PLCE1: variants seen among roughly 807,000 people sequenced by gnomAD.
PLCE1 encodes phospholipase C epsilon 1.
PLCE1 carries 119 observed loss-of-function variants against 242.8 expected under a neutral mutation model. The observed-to-expected ratio is 0.49, with a 90% CI of 0.42 to 0.57. The LOEUF (loss-of-function observed/expected upper bound fraction) is 0.57, where lower values mean the gene tolerates loss of function less well. Ranked by LOEUF, PLCE1 falls within the 20% of genes least tolerant of loss-of-function variation. The probability of loss-of-function intolerance (pLI) is 0.00; values close to 1 mark genes in which losing one functional copy is unlikely to be tolerated. For missense variants in PLCE1, 2,441 were observed against 2,788.8 expected, an observed-to-expected ratio of 0.88 and a Z score of 2.81; for synonymous variants, 945 against 1,017.4, an observed-to-expected ratio of 0.93 and a Z score of 1.35.
rs556243434 is a variant in PLCE1, at chr10:94,330,636, G to A, written c.*2693G>A. 2 of 150,976 alleles carry A rather than the reference G, an allele frequency of 1.3e-5. No homozygotes were observed. Among genetic ancestry groups the A allele is most frequent in the African/African-American group, 4.9e-5 (2 of 40,972 alleles). 9.4% of individuals were successfully genotyped at this position (150,976 alleles called of 1,614,324 possible). ...GAACTCAAGACGCAGAGGTTGCAGT[G>A]AGTGGAGACTGTGCCACTGCACTCC... On this transcript the variant is annotated 3_prime_UTR_variant, in exon 33 of 33. Transcript: ENST00000371380.
intron 2 of PLCE1, among the ~76,000 whole-genome samples, chr10:94,048,645 A>T (rs1589915804): frequency 6.8e-6 from 1 of 147,852 alleles, no homozygotes; most frequent in South Asian, 2.1e-4. Flanking sequence ...GGATTTATTA[A>T]ATATATATAT....
At chr10:94,012,514 T>G (rs976396452) in intron 1 of PLCE1, among the ~76,000 whole-genome samples, 1 of 151,908 alleles carries the variant, frequency 6.6e-6, no homozygotes, top group Admixed American at 6.6e-5. Context: ...CTGGAAAACA[T>G]CGGCCGTGTC....
intron 18 of PLCE1, among the ~76,000 whole-genome samples, chr10:94,271,306 CTTTTTTT>C (rs35048796): frequency 1.4e-5 from 1 of 73,316 alleles, no homozygotes; most frequent in African/African-American, 5.9e-5. Flanking sequence ...AGAAGATCAT[CTTTTTTT>C]TTTTTTTTTT....
At chr10:94,285,797 C>T (rs750374153) in intron 22 of PLCE1, among the ~76,000 whole-genome samples, 1 of 152,158 alleles carries the variant, frequency 6.6e-6, no homozygotes, top group Non-Finnish European at 1.5e-5. Flanking sequence ...CCACAAGGAC[C>T]AAGGATGGCG....
intron 2 of PLCE1, among the ~76,000 whole-genome samples, chr10:94,075,768 C>T (rs1419574988): frequency 6.6e-6 from 1 of 152,210 alleles, no homozygotes; most frequent in Non-Finnish European, 1.5e-5. Context: ...TGCAGCATGA[C>T]CTGGGTCACA....
At chr10:94,309,824 C>T (rs1421104389) in intron 27 of PLCE1, among the ~76,000 whole-genome samples, 1 of 152,056 alleles carries the variant, frequency 6.6e-6, no homozygotes, top group Non-Finnish European at 1.5e-5. Context: ...AGCTTGAGTC[C>T]AGGAGTTCAA....
rs2274223 is a variant in PLCE1 at position 94,306,584 on chromosome 10, A to G, written c.5780A>G (p.His1927Arg). The G allele has an allele frequency of 0.3, 484,110 of 1,613,668 alleles. 74,193 individuals carry two copies. Among genetic ancestry groups the G allele is most frequent in the Middle Eastern group, 0.44 (2,649 of 6,062 alleles). The change falls in exon 26 of 33, where the codon CAC becomes CGC. Residue 1927 changes from histidine (H) to arginine (R), a missense_variant. His to Arg is a conservative substitution (Grantham distance 29, BLOSUM62 0). Transcript: ENST00000371380. The surrounding 1 kb of genome is among the most constrained non-coding windows in gnomAD (Gnocchi z 5.7). Reference protein sequence around the residue: ...NPMWNEQFLFHVHFEDLVFLR... With the variant: ...NPMWNEQFLFRVHFEDLVFLR... ...ATGTGGAACGAGCAGTTTCTGTTCC[A>G]CGTTCACTTCGAAGATCTTGTATTT...
intron 4 of PLCE1, among the ~76,000 whole-genome samples, chr10:94,187,606 A>G (rs1365307301): frequency 6.6e-6 from 1 of 152,088 alleles, no homozygotes; most frequent in African/African-American, 2.4e-5. Context: ...AGCCTCCCCA[A>G]GCAGCTTGGC....
intron 4 of PLCE1, among the ~76,000 whole-genome samples, chr10:94,202,555 G>T (rs1432030882): frequency 6.6e-6 from 1 of 152,026 alleles, no homozygotes; most frequent in African/African-American, 2.4e-5. Flanking sequence ...CATTTGTCAG[G>T]GTTTCTTCTC....
chr10:94,104,354 T>C (rs1331393746), intron 2 of PLCE1: 1 of 152,200 alleles, frequency 6.6e-6, no homozygotes, highest in Non-Finnish European at 1.5e-5. Context: ...TGTGCATTAC[T>C]CGTGGTTAGT....
chr10:94,140,192 A>G (rs1464030690), intron 3 of PLCE1, among the ~76,000 whole-genome samples: 2 of 152,300 alleles, frequency 1.3e-5, no homozygotes, highest in Admixed American at 6.5e-5. Flanking sequence ...AGCTATAAAT[A>G]GAATATTGAT....
At chr10:94,191,123 A>G (rs1282924912) in intron 4 of PLCE1, among the ~76,000 whole-genome samples, 12 of 152,152 alleles carry the variant, frequency 7.9e-5, no homozygotes, top group Admixed American at 7.9e-4. Context: ...ATGGGGAAAA[A>G]TTTTAAAGAT....
rs543917613 is a variant in PLCE1 at position 94,262,430 on chromosome 10, C to A, written c.3815-64C>A. On this transcript the variant is annotated intron_variant, in intron 13 of 32. Coordinates refer to ENST00000371380, the MANE Select transcript of PLCE1 (RefSeq NM_016341.4). ...TTTTAATAACTCCACACCATTATCT[C>A]CAAAATGAACTTTGCAAAAGATGCT... 355 of 1,075,498 alleles carry A rather than the reference C, an allele frequency of 3.3e-4. No homozygotes were observed. In the African/African-American group the frequency reaches 4.0e-3, roughly 12 times the overall value. The allele number at this position is 1,075,498 out of a possible 1,614,324, so 66.6% of individuals were successfully genotyped here. A position where few individuals can be genotyped will look rare whatever the true frequency, so the allele number is the denominator to read the frequency against.
At chr10:94,134,939 C>A (rs897118268) in intron 3 of PLCE1, among the ~76,000 whole-genome samples, 7 of 152,182 alleles carry the variant, frequency 4.6e-5, no homozygotes, top group Non-Finnish European at 7.3e-5. Context: ...GAAACTCCTG[C>A]TGAATAATAC....
chr10:94,097,851 T>G (rs1427753713), intron 2 of PLCE1, among the ~76,000 whole-genome samples: 4 of 152,150 alleles, frequency 2.6e-5, no homozygotes, highest in Non-Finnish European at 5.9e-5. Context: ...AAATGTGTCA[T>G]CTGAGTCATG....
intron 9 of PLCE1, 106 bp from the exon 10 acceptor site, chr10:94,254,084 G>C: frequency 3.7e-6 from 3 of 813,628 alleles, no homozygotes; most frequent in Non-Finnish European, 6.7e-6. Flanking sequence ...ACCAGGAAGA[G>C]GCAGTATTGA....
At chr10:94,075,157 C>T (rs557629878) in intron 2 of PLCE1, among the ~76,000 whole-genome samples, 4 of 152,154 alleles carry the variant, frequency 2.6e-5, no homozygotes, top group African/African-American at 9.7e-5. Flanking sequence ...ATTAGTTTCT[C>T]TCTCCTCTCG....
chr10:94,160,907 A>G (rs868483202), intron 3 of PLCE1, among the ~76,000 whole-genome samples: 1 of 152,176 alleles, frequency 6.6e-6, no homozygotes, highest in Non-Finnish European at 1.5e-5. Flanking sequence ...GTCAAAGATC[A>G]GATAGTTGTA....
At chr10:94,170,957 C>T (rs1001053883) in intron 3 of PLCE1, among the ~76,000 whole-genome samples, 2 of 151,984 alleles carry the variant, frequency 1.3e-5, no homozygotes, top group African/African-American at 4.8e-5. Context: ...CCAACCCTAC[C>T]ACCACCACCA....
Sources: gnomAD v4.1 joint callset for allele counts (sites outside exome capture counted in the v4.1 genomes callset) on GRCh38, gnomAD v4.1.1 for gene constraint, Gnocchi (gnomAD v3.1) non-coding constraint, MANE v1.5 for transcripts, NCBI Gene and HGNC (gene_info 2026-07-23, HGNC 2026-07-21) for gene names.